The following NUDCD1 variants were observed in gnomAD, a reference collection of about 807,000 sequenced individuals.
The protein encoded by NUDCD1 is nudC domain-containing protein 1.
Under a neutral mutation model 67.8 loss-of-function variants are expected in NUDCD1, and 60 were observed. That is an observed-to-expected ratio of 0.88 (90% CI 0.72 to 1.10). NUDCD1 has a LOEUF of 1.10. NUDCD1 is among the 50% of genes least tolerant of loss of function. NUDCD1 has a pLI of 0.00. For missense variants in NUDCD1, 643 were observed against 695.0 expected, an observed-to-expected ratio of 0.93 and a Z score of 0.84; for synonymous variants, 244 against 230.8, an observed-to-expected ratio of 1.06 and a Z score of -0.52.
chr8:109,316,689 AAGTGT>A (rs1265905346), intron 2 of NUDCD1, among the ~76,000 whole-genome samples: 1 of 152,174 alleles, frequency 6.6e-6, no homozygotes, highest in Admixed American at 6.6e-5. Context: ...AATAAAAAAT[AAGTGT>A]AGTATTCTTC....
At position 109,243,269 on chromosome 8, in the gene NUDCD1, ATT is replaced by A. The variant is rs759894624; in HGVS notation, c.1490_1491del (p.Lys497IlefsTer15). 1 of 1,601,494 alleles carries A rather than the reference ATT, an allele frequency of 6.2e-7. No homozygotes were observed. Among genetic ancestry groups the A allele is most frequent in the Non-Finnish European group, 8.5e-7 (1 of 1,170,686 alleles). ...GAGTAATTTGGAGCACAGGCAAAAAATTTTTTGTCTCTCTTTGATGCTTGGAC... is the reference window on the plus strand; with the variant it reads ...GAGTAATTTGGAGCACAGGCAAAAAATTTTGTCTCTCTTTGATGCTTGGAC... ...GYVQASKRDKKFFACAPNYSY... is the reference protein window; with the variant it reads ...GYVQASKRDKXFFACAPNYSY... On this transcript the variant is annotated frameshift_variant, in exon 10 of 10. Transcript: ENST00000239690. LOFTEE classifies it high-confidence loss of function.
intron 2 of NUDCD1, among the ~76,000 whole-genome samples, chr8:109,317,677 C>T (rs1453951973): frequency 6.6e-6 from 1 of 152,128 alleles, no homozygotes; most frequent in Admixed American, 6.5e-5. Flanking sequence ...TCATACAGTT[C>T]TACTGCTCTC....
intron 8 of NUDCD1, among the ~76,000 whole-genome samples, chr8:109,260,659 AGT>A (rs1188183546): frequency 1.3e-5 from 2 of 152,242 alleles, no homozygotes; most frequent in African/African-American, 4.8e-5. Context: ...AGATGGAAAT[AGT>A]ATTAAGTAGT....
intron 4 of NUDCD1, among the ~76,000 whole-genome samples, chr8:109,291,469 T>C (rs547368610): frequency 1.3e-5 from 2 of 152,326 alleles, no homozygotes; most frequent in Non-Finnish European, 2.9e-5. Flanking sequence ...TCACAATTTT[T>C]AGAAACTTTA....
chr8:109,275,548 A>T, intron 6 of NUDCD1, 52 bp from the exon 7 acceptor site: 1 of 1,478,572 alleles, frequency 6.8e-7, no homozygotes, highest in Non-Finnish European at 9.3e-7. Context: ...TATACAAATT[A>T]TACAATCAGT....
chr8:109,258,057 T>A (rs899330369), intron 8 of NUDCD1, among the ~76,000 whole-genome samples: 3 of 152,174 alleles, frequency 2.0e-5, no homozygotes, highest in African/African-American at 4.8e-5. Context: ...TGTTTTTACA[T>A]GTCCTAGTCA....
intron 1 of NUDCD1, among the ~76,000 whole-genome samples, chr8:109,331,123 G>C (rs958065199): frequency 3.3e-5 from 5 of 152,032 alleles, no homozygotes; most frequent in Non-Finnish European, 1.5e-5. Flanking sequence ...CAGGTGGATC[G>C]CGAGGTCAGG....
intron 6 of NUDCD1, among the ~76,000 whole-genome samples, chr8:109,276,071 T>C (rs759800480): frequency 3.9e-5 from 6 of 152,200 alleles, no homozygotes; most frequent in Non-Finnish European, 7.3e-5. Context: ...AAATTAACTT[T>C]GGTAATACAG....
At chr8:109,325,285 T>C (rs1435514504) in intron 1 of NUDCD1, among the ~76,000 whole-genome samples, 1 of 152,144 alleles carries the variant, frequency 6.6e-6, no homozygotes, top group Non-Finnish European at 1.5e-5. Context: ...ATAGCACAGT[T>C]GGGTGACTAC....
At chr8:109,299,243 G>C (rs1300713823) in intron 2 of NUDCD1, among the ~76,000 whole-genome samples, 5 of 152,186 alleles carry the variant, frequency 3.3e-5, no homozygotes, top group African/African-American at 9.6e-5. Flanking sequence ...TGATGGAGAA[G>C]TCTCCTTCCC....
chr8:109,279,001 A>G (rs144836874), intron 6 of NUDCD1, among the ~76,000 whole-genome samples: 1,650 of 152,278 alleles, frequency 0.011, 34 homozygotes, highest in African/African-American at 0.038. Context: ...CAACATGGCA[A>G]AACCCCATCT....
intron 2 of NUDCD1, 36 bp from the exon 3 acceptor site, chr8:109,296,605 T>G: frequency 7.5e-7 from 1 of 1,327,834 alleles, no homozygotes; most frequent in Non-Finnish European, 1.1e-6. Flanking sequence ...AATCTCTTCC[T>G]CTTCACTGAT....
At chr8:109,291,252 C>T (rs1369781686) in intron 4 of NUDCD1, among the ~76,000 whole-genome samples, 1 of 152,120 alleles carries the variant, frequency 6.6e-6, no homozygotes, top group Non-Finnish European at 1.5e-5. Context: ...AACTCCCAGG[C>T]TCAAGCAATC....
chr8:109,287,802 G>A (rs1371968174), intron 5 of NUDCD1, among the ~76,000 whole-genome samples: 1 of 152,066 alleles, frequency 6.6e-6, no homozygotes, highest in African/African-American at 2.4e-5. Context: ...TTTTAAAAAT[G>A]TATTAATTAA....
intron 2 of NUDCD1, chr8:109,316,295 T>G (rs1815393403): frequency 6.6e-6 from 1 of 152,182 alleles, no homozygotes; most frequent in Non-Finnish European, 1.5e-5. Context: ...TTAAACTTTT[T>G]TGTAAGGAGA....
chr8:109,281,237 C>A (rs1290007565), intron 5 of NUDCD1, 65 bp from the exon 6 acceptor site: 2 of 1,045,734 alleles, frequency 1.9e-6, no homozygotes, highest in East Asian at 2.4e-5. Context: ...ACACACAAAA[C>A]CTATCTAAAA....
Position 109,281,046 on chromosome 8 carries a change from T to C in NUDCD1, c.950A>G (p.Asp317Gly). The C allele has an allele frequency of 1.2e-6, 2 of 1,612,580 alleles. No individual in the cohort carries two copies. Residue 317 changes from aspartate (D) to glycine (G), a missense_variant, in exon 6 of 10, where the codon GAT becomes GGT. Physicochemically the swap from Asp to Gly is moderately conservative, Grantham distance 94 (BLOSUM62 -1). Coordinates refer to ENST00000239690, the MANE Select transcript of NUDCD1 (RefSeq NM_032869.4). ...LPDHINIVLK[D>G]HQFLEGKLYS... ...GAGTTTTCCTTCTAAAAACTGGTGATCCTTCAGTACAATGTTGATGTGATC... is the reference window on the plus strand; with the variant it reads ...GAGTTTTCCTTCTAAAAACTGGTGACCCTTCAGTACAATGTTGATGTGATC...
At chr8:109,306,190 C>T (rs1044086632) in intron 2 of NUDCD1, among the ~76,000 whole-genome samples, 1 of 152,200 alleles carries the variant, frequency 6.6e-6, no homozygotes, top group African/African-American at 2.4e-5. Flanking sequence ...TGGATATCCT[C>T]TGGTACTAGC....
rs144401298 is a variant in NUDCD1, at chr8:109,300,735, A to C, written c.274-4166T>G. ...GCTAGATACCTAGACATCCAAATAC[A>C]AGAAGCACAAAGAACATCTGGGAAA... On this transcript the variant is annotated intron_variant, in intron 2 of 9. Transcript: ENST00000239690. Among the ~76,000 whole-genome samples the C allele has an allele frequency of 1.2e-4, 19 of 152,348 alleles. No homozygotes were observed. The East Asian group carries it at 3.7e-3, about 29-fold the overall frequency.
Sources: gnomAD v4.1 joint callset for allele counts (sites outside exome capture counted in the v4.1 genomes callset) on GRCh38, gnomAD v4.1.1 for gene constraint, MANE v1.5 for transcripts, NCBI Gene and HGNC (gene_info 2026-07-23, HGNC 2026-07-21) for gene names.